MYLIP: variants seen among roughly 807,000 people sequenced by gnomAD.
MYLIP encodes the protein E3 ubiquitin-protein ligase MYLIP.
MYLIP carries 26 observed loss-of-function variants against 45.8 expected under a neutral mutation model. The observed-to-expected ratio is 0.57, with a 90% confidence interval of 0.42 to 0.79. The LOEUF (loss-of-function observed/expected upper bound fraction) is 0.79. Among genes scored for constraint, MYLIP ranks in the 30% least tolerant of loss-of-function variants. The pLI, the probability that MYLIP is intolerant of heterozygous loss-of-function variation, is 0.00. For synonymous variants in MYLIP, 213 were observed against 218.1 expected (o/e 0.98, Z 0.21); for missense variants, 494 against 555.6 (o/e 0.89, Z 1.11).
chr6:16,157,708 G>A, the MYLIP span, among the ~76,000 whole-genome samples: 11 of 152,400 alleles, frequency 7.2e-5, no homozygotes, highest in African/African-American at 2.2e-4. Flanking sequence ...GCTTTGAACA[G>A]AAGATATGGA....
chr6:16,144,003 G>A (rs76272508), intron 5 of MYLIP, 140 bp downstream of exon 5: 17,688 of 991,416 alleles, frequency 0.018, 200 homozygotes, highest in Middle Eastern at 0.034. Flanking sequence ...TTTTGTTTCC[G>A]TAGTAGCAGT....
At chr6:16,162,508 T>G in the MYLIP span, among the ~76,000 whole-genome samples, 1 of 152,128 alleles carries the variant, frequency 6.6e-6, no homozygotes. Flanking sequence ...AACCAACATA[T>G]AGTTAAAAAT....
At chr6:16,159,672 C>A in the MYLIP span, among the ~76,000 whole-genome samples, 1 of 152,148 alleles carries the variant, frequency 6.6e-6, no homozygotes, top group Non-Finnish European at 1.5e-5. Context: ...TCCAGCCAGT[C>A]CTGCCTGGAA....
At chr6:16,149,975 A>G (rs970501689), downstream of MYLIP, among the ~76,000 whole-genome samples, 4 of 152,238 alleles carry the variant, frequency 2.6e-5, no homozygotes, top group African/African-American at 9.6e-5. Context: ...ACCTGGAGGT[A>G]GTTGAAAGCG....
downstream of MYLIP, among the ~76,000 whole-genome samples, chr6:16,148,863 G>C (rs983122283): frequency 6.6e-6 from 1 of 152,196 alleles, no homozygotes; most frequent in African/African-American, 2.4e-5. Flanking sequence ...TTTTGGAATA[G>C]AGAATATTGT....
chr6:16,146,722 A>T lies in MYLIP; in HGVS notation c.1309A>T (p.Thr437Ser). The T allele has an allele frequency of 6.2e-7, 1 of 1,611,516 alleles. No homozygotes were observed. The highest frequency in any genetic ancestry group is 2.2e-5 in the East Asian group (1 of 44,870). ...HVQHVYLPTH[T>S]SLLNLTVI ...CCAGCACGTCTATCTGCCAACGCAC[A>T]CCAGTCTTCTCAATCTGACTGTAAT... The change falls in exon 7 of 7, where the codon ACC becomes TCC. Residue 437 changes from threonine to serine, a missense_variant. By Grantham distance (58) the Thr-to-Ser change is moderately conservative. Transcript: ENST00000356840.
chr6:16,130,580 A>C lies in MYLIP; in HGVS notation c.111A>C (p.Ile37=). The change falls in exon 2 of 7, where the codon ATA becomes ATC. Residue 37 remains isoleucine (I), a synonymous_variant. Coordinates refer to ENST00000356840, the MANE Select transcript of MYLIP (RefSeq NM_013262.4). The stretch of plus-strand genomic sequence containing the variant: ...AGGTGTGCAGGCGACTGGGAATCAT[A>C]GAAGTTGACTATTTTGGACTGCAGT... ...LNQVCRRLGI[I]EVDYFGLQFT... 6.2e-7 allele frequency: 1 copy of C among 1,614,130 alleles called. No individual in the cohort carries two copies. Among genetic ancestry groups the C allele is most frequent in the Non-Finnish European group, 8.5e-7 (1 of 1,180,000 alleles).
intron 2 of MYLIP, among the ~76,000 whole-genome samples, chr6:16,130,955 TTTC>T (rs1261186445): frequency 1.3e-5 from 2 of 151,624 alleles, no homozygotes; most frequent in Admixed American, 1.3e-4. Flanking sequence ...TCTTTTAGTT[TTTC>T]TTGTCTTTAT....
the MYLIP span, among the ~76,000 whole-genome samples, chr6:16,154,712 C>T: frequency 6.6e-6 from 1 of 152,144 alleles, no homozygotes; most frequent in Admixed American, 6.5e-5. Context: ...ACTAACAGCC[C>T]AAACCCTCTC....
At chr6:16,160,123 T>C in the MYLIP span, among the ~76,000 whole-genome samples, 1 of 152,232 alleles carries the variant, frequency 6.6e-6, no homozygotes. Context: ...AAATCCATGC[T>C]GGTTGAGCAT....
downstream of MYLIP, among the ~76,000 whole-genome samples, chr6:16,152,561 A>G (rs913615666): frequency 6.6e-6 from 1 of 152,192 alleles, no homozygotes; most frequent in African/African-American, 2.4e-5. Context: ...GGCCCAAAAC[A>G]TCAGTATTGC....
At chr6:16,139,870 G>T (rs940803569) in intron 2 of MYLIP, among the ~76,000 whole-genome samples, 1 of 152,092 alleles carries the variant, frequency 6.6e-6, no homozygotes, top group Non-Finnish European at 1.5e-5. Context: ...AGAAAAAACT[G>T]CAGTATTTGG....
the MYLIP span, chr6:16,160,973 A>G: frequency 7.1e-5 from 11 of 154,670 alleles, no homozygotes; most frequent in Admixed American, 1.3e-4. Context: ...TCATCATCAC[A>G]CCGGCTGGCA....
chr6:16,129,630 G>T lies in MYLIP; in HGVS notation c.87+221G>T, dbSNP rs1759414315. ...AAAGCGCGCAGCGGGGGTCCCCAGCGCTGAGGGCCGGGCGCAGCCCGCAGC... is the reference window on the plus strand; with the variant it reads ...AAAGCGCGCAGCGGGGGTCCCCAGCTCTGAGGGCCGGGCGCAGCCCGCAGC... On this transcript the variant is annotated intron_variant, in intron 1 of 6. Transcript: ENST00000356840. This position sits in a 1 kb window ranked among gnomAD's most constrained non-coding sequence, Gnocchi z 5.1. Among the ~76,000 whole-genome samples, 1 of 152,174 alleles carries T rather than the reference G, an allele frequency of 6.6e-6. No individual in the cohort carries two copies. The highest frequency in any genetic ancestry group is 6.5e-5 in the Admixed American group (1 of 15,288).
chr6:16,145,704 A>G lies in MYLIP; in HGVS notation c.1248+387A>G, dbSNP rs1255090083. On this transcript the variant is annotated intron_variant, in intron 6 of 6. Coordinates refer to ENST00000356840, the MANE Select transcript of MYLIP (RefSeq NM_013262.4). ...CTTAGGAGGATGGTCTTTATTACTTAAGATATTTGGGAAAGAATACTTCTC... is the reference window on the plus strand; with the variant it reads ...CTTAGGAGGATGGTCTTTATTACTTGAGATATTTGGGAAAGAATACTTCTC... Among the ~76,000 whole-genome samples, 6 of 152,106 alleles carry G rather than the reference A, an allele frequency of 3.9e-5. No individual in the cohort carries two copies. The South Asian group carries it at 6.2e-4, about 16-fold the overall frequency.
Position 16,129,488 on chromosome 6 carries a change from C to T in MYLIP, c.87+79C>T, listed in dbSNP as rs1056730641. 1 of 1,414,678 alleles carries T rather than the reference C, an allele frequency of 7.1e-7. No individual in the cohort carries two copies. The highest frequency in any genetic ancestry group is 9.7e-7 in the Non-Finnish European group (1 of 1,035,068). 87.6% of individuals were successfully genotyped at this position (1,414,678 alleles called of 1,614,324 possible). On this transcript the variant is annotated intron_variant, in intron 1 of 6. Transcript: ENST00000356840. This position sits in a 1 kb window ranked among gnomAD's most constrained non-coding sequence, Gnocchi z 5.1. ...CTCGCAGCGACGCCTGGCACTCTGG[C>T]GCGCCCCCTACTAGGGGCCGGGAGG... is the stretch of plus-strand genomic sequence containing the variant.
At chr6:16,130,814 C>A (rs1031892677) in intron 2 of MYLIP, 67 bp downstream of exon 2, 1 of 1,456,936 alleles carries the variant, frequency 6.9e-7, no homozygotes, top group Non-Finnish European at 9.3e-7. Context: ...GCCGCTGCAC[C>A]TTCCCAGAGA....
At position 16,146,872 on chromosome 6, in the gene MYLIP, A is replaced by AAG; in HGVS notation, c.*122_*123insGA. 1.2e-6 allele frequency: 1 copy of AAG among 858,190 alleles called. No homozygotes were observed. Among genetic ancestry groups the AAG allele is most frequent in the Non-Finnish European group, 1.7e-6 (1 of 571,646 alleles). 53.2% of individuals were successfully genotyped at this position (858,190 alleles called of 1,614,324 possible). On this transcript the variant is annotated 3_prime_UTR_variant, in exon 7 of 7. Transcript: ENST00000356840. ...ACCCATCTGCCATGCGATGTTAAAAAAAAAAAAAAGGAAGAAAAATAACAC... is the reference window on the plus strand; with the variant it reads ...ACCCATCTGCCATGCGATGTTAAAAAAGAAAAAAAAAGGAAGAAAAATAACAC...
chr6:16,136,673 T>C (rs1759563372), intron 2 of MYLIP, among the ~76,000 whole-genome samples: 1 of 152,230 alleles, frequency 6.6e-6, no homozygotes, highest in African/African-American at 2.4e-5. Flanking sequence ...CCAAAGCTAT[T>C]TGGCAACTGT....
Sources: gnomAD v4.1 joint callset for allele counts (sites outside exome capture counted in the v4.1 genomes callset) on GRCh38, gnomAD v4.1.1 for gene constraint, Gnocchi (gnomAD v3.1) non-coding constraint, MANE v1.5 for transcripts, NCBI Gene and HGNC (gene_info 2026-07-23, HGNC 2026-07-21) for gene names.